Variants in VPS8 observed in about 807,000 individuals in gnomAD.
The protein encoded by VPS8 is vacuolar protein sorting-associated protein 8 homolog.
VPS8 carries 129 observed loss-of-function variants against 216.4 expected under a neutral mutation model. The observed-to-expected ratio is 0.60, with a 90% CI of 0.52 to 0.69. The LOEUF (loss-of-function observed/expected upper bound fraction) is 0.69. Ranked by LOEUF, VPS8 falls within the 30% of genes least tolerant of loss-of-function variation. VPS8 has a pLI of 0.00. For missense variants in VPS8, 1,531 were observed against 1,683.5 expected, an observed-to-expected ratio of 0.91 and a Z score of 1.59; for synonymous variants, 571 against 565.4, an observed-to-expected ratio of 1.01 and a Z score of -0.14.
chr3:184,996,650 G>A, intron 44 of VPS8, 149 bp downstream of exon 44: 1 of 891,276 alleles, frequency 1.1e-6, no homozygotes, highest in South Asian at 2.3e-5. Context: ...TTCTGCATTG[G>A]GGTGGAGGTT....
At chr3:184,854,966 A>G (rs915257290) in intron 13 of VPS8, among the ~76,000 whole-genome samples, 9 of 152,124 alleles carry the variant, frequency 5.9e-5, no homozygotes, top group African/African-American at 1.9e-4. Context: ...AGCGTTCCCT[A>G]TGGTGAAGGA....
intron 46 of VPS8, among the ~76,000 whole-genome samples, chr3:185,026,227 C>T (rs1757326366): frequency 6.6e-6 from 1 of 151,838 alleles, no homozygotes; most frequent in Non-Finnish European, 1.5e-5. Context: ...AAAAACAGTA[C>T]AACTATTTAC....
chr3:184,853,946 A>G lies in VPS8; in HGVS notation c.911A>G (p.Lys304Arg), dbSNP rs1326494673. The change falls in exon 12 of 48, where the codon AAG (lysine) becomes AGG (arginine). Residue 304 changes from lysine to arginine, a missense_variant. By Grantham distance (26) the Lys-to-Arg change is conservative. Coordinates refer to ENST00000625842, the MANE Select transcript of VPS8 (RefSeq NM_001009921.3). The part of the protein sequence containing the change: ...EVCCIEPLHS[K>R]PELKDHPITQ... ...TGCTGTATTGAGCCTCTGCATTCTA[A>G]GCCTGAGTTGAAAGATCATCCCATC... is the stretch of plus-strand genomic sequence containing the variant. 6.2e-7 allele frequency: 1 copy of G among 1,613,322 alleles called. No homozygotes were observed.
intron 8 of VPS8, among the ~76,000 whole-genome samples, chr3:184,847,905 T>TTTTG (rs368279984): frequency 4.0e-4 from 61 of 152,234 alleles, no homozygotes; most frequent in Non-Finnish European, 6.5e-4. Context: ...TTTTAGCATA[T>TTTTG]TTTGTTTGTT....
intron 38 of VPS8, 113 bp from the exon 39 acceptor site, chr3:184,966,558 T>G: frequency 1.7e-6 from 1 of 604,038 alleles, no homozygotes. Flanking sequence ...GGACTGTTCT[T>G]AATAACCTTG....
chr3:185,020,717 T>C (rs900735757), intron 45 of VPS8, among the ~76,000 whole-genome samples: 2 of 152,186 alleles, frequency 1.3e-5, no homozygotes, highest in Non-Finnish European at 2.9e-5. Context: ...GCCAACCTCC[T>C]TTTGGCCTCC....
At chr3:185,043,127 G>A (rs540915166) in intron 46 of VPS8, among the ~76,000 whole-genome samples, 6 of 152,188 alleles carry the variant, frequency 3.9e-5, no homozygotes, top group South Asian at 2.1e-4. Context: ...GGGTGTCCGC[G>A]AGCAGCCCAT....
At chr3:185,014,552 TA>T (rs1409633347) in intron 45 of VPS8, among the ~76,000 whole-genome samples, 1 of 152,240 alleles carries the variant, frequency 6.6e-6, no homozygotes, top group Admixed American at 6.5e-5. Context: ...CCAAACCAGT[TA>T]TTCTGCTTCT....
intron 37 of VPS8, among the ~76,000 whole-genome samples, chr3:184,959,480 C>G (rs1371909680): frequency 2.0e-5 from 3 of 152,074 alleles, no homozygotes; most frequent in East Asian, 3.8e-4. Flanking sequence ...AATTTTGCCA[C>G]AAAAATATAC....
intron 1 of VPS8, among the ~76,000 whole-genome samples, chr3:184,820,461 TG>T (rs1417455353): frequency 6.6e-6 from 1 of 152,234 alleles, no homozygotes; most frequent in Non-Finnish European, 1.5e-5. Flanking sequence ...ATAACCTTCC[TG>T]TCAAGGTCTT....
intron 16 of VPS8, among the ~76,000 whole-genome samples, chr3:184,866,547 T>A (rs1000167496): frequency 6.6e-6 from 1 of 152,214 alleles, no homozygotes; most frequent in African/African-American, 2.4e-5. Flanking sequence ...TGGTGTGTGT[T>A]ATATCTCAGT....
At chr3:184,986,160 AGAG>A (rs1751037894) in intron 42 of VPS8, among the ~76,000 whole-genome samples, 1 of 152,216 alleles carries the variant, frequency 6.6e-6, no homozygotes, top group Non-Finnish European at 1.5e-5. Flanking sequence ...ATTTCCTGGA[AGAG>A]GAGATGTCTG....
chr3:184,945,572 A>G (rs749061707), intron 36 of VPS8, among the ~76,000 whole-genome samples: 9 of 151,710 alleles, frequency 5.9e-5, no homozygotes, highest in Non-Finnish European at 1.2e-4. Flanking sequence ...TATAAACTCT[A>G]CCTCTTCTCT....
chr3:184,982,557 A>AC lies in VPS8; in HGVS notation c.3421-8dup, dbSNP rs1560975404. 1 of 1,596,226 alleles carries AC rather than the reference A, an allele frequency of 6.3e-7. No homozygotes were observed. Among genetic ancestry groups the AC allele is most frequent in the Admixed American group, 1.8e-5 (1 of 55,638 alleles). On this transcript the variant is annotated splice_polypyrimidine_tract_variant and intron_variant, in intron 40 of 47. Transcript: ENST00000625842. Reference sequence around the variant, plus strand: ...TTTTCTTTTTCTTTGATTTTCTCTGACATTATAGGCACTTTGGTTTCCGTT... The same window carrying AC: ...TTTTCTTTTTCTTTGATTTTCTCTGACCATTATAGGCACTTTGGTTTCCGTT...
intron 38 of VPS8, among the ~76,000 whole-genome samples, chr3:184,966,034 G>A (rs1345396611): frequency 6.6e-6 from 1 of 152,166 alleles, no homozygotes; most frequent in Non-Finnish European, 1.5e-5. Flanking sequence ...TTGAGGCTGG[G>A]TAATTTTTAA....
intron 19 of VPS8, 93 bp downstream of exon 19, chr3:184,869,129 G>A (rs1577987786): frequency 8.5e-7 from 1 of 1,182,582 alleles, no homozygotes; most frequent in East Asian, 2.6e-5. Flanking sequence ...TTTTAGCTGA[G>A]TGTCGAAGTG....
chr3:185,044,006 A>G (rs1712282466), intron 46 of VPS8, among the ~76,000 whole-genome samples: 1 of 152,146 alleles, frequency 6.6e-6, no homozygotes, highest in African/African-American at 2.4e-5. Context: ...CCTGACTAAT[A>G]TGATGAAACC....
intron 14 of VPS8, among the ~76,000 whole-genome samples, chr3:184,856,949 C>G (rs1725371847): frequency 6.6e-6 from 1 of 152,212 alleles, no homozygotes; most frequent in Non-Finnish European, 1.5e-5. Flanking sequence ...TCTCGAACTC[C>G]TGGCCTCAAG....
intron 30 of VPS8, 23 bp downstream of exon 30, chr3:184,925,004 TAAAAG>T (rs756413693): frequency 6.2e-7 from 1 of 1,606,108 alleles, no homozygotes; most frequent in East Asian, 2.2e-5. Context: ...CAGTGAAAAC[TAAAAG>T]GTTTTTTCCT....
Sources: gnomAD v4.1 joint callset for allele counts (sites outside exome capture counted in the v4.1 genomes callset) on GRCh38, gnomAD v4.1.1 for gene constraint, MANE v1.5 for transcripts, NCBI Gene and HGNC (gene_info 2026-07-23, HGNC 2026-07-21) for gene names.